The following TSHZ3 variants were observed in gnomAD, a reference collection of about 807,000 sequenced individuals.
TSHZ3 encodes the protein teashirt zinc finger homeobox 3.
In TSHZ3, 10 loss-of-function variants were observed where a neutral mutation model predicts 64.5. That is an observed-to-expected ratio of 0.16 (90% CI 0.10 to 0.26). TSHZ3 has a LOEUF of 0.26. TSHZ3 is among the 10% of genes least tolerant of loss of function. TSHZ3 has a pLI of 1.00. For synonymous variants in TSHZ3, 608 were observed against 593.1 expected, an observed-to-expected ratio of 1.03 and a Z score of -0.36; for missense variants, 1,242 against 1,421.7, an observed-to-expected ratio of 0.87 and a Z score of 2.03.
At chr19:31,234,394 G>C (rs1975579933) in intron 3 of TSHZ3, among the ~76,000 whole-genome samples, 1 of 151,850 alleles carries the variant, frequency 6.6e-6, no homozygotes, top group Admixed American at 6.6e-5. Flanking sequence ...TATGGCATTG[G>C]CTAGGACATC....
At chr19:31,286,991 A>G (rs1352844546) in intron 1 of TSHZ3, among the ~76,000 whole-genome samples, 2 of 152,250 alleles carry the variant, frequency 1.3e-5, no homozygotes, top group Non-Finnish European at 2.9e-5. Context: ...TGTGTCATAT[A>G]AATATAAAAC....
chr19:31,163,995 G>A (rs1974406875), intron 5 of TSHZ3, among the ~76,000 whole-genome samples: 1 of 152,220 alleles, frequency 6.6e-6, no homozygotes, highest in Non-Finnish European at 1.5e-5. Context: ...CTGAGGTGCA[G>A]AGAAGCTAAG....
At chr19:31,283,853 C>T (rs1976408039) in intron 1 of TSHZ3, among the ~76,000 whole-genome samples, 1 of 152,124 alleles carries the variant, frequency 6.6e-6, no homozygotes, top group Admixed American at 6.5e-5. Flanking sequence ...CAGCGAATGC[C>T]CTGGATCAGG....
intron 4 of TSHZ3, among the ~76,000 whole-genome samples, chr19:31,225,095 C>A (rs1392910753): frequency 6.6e-6 from 1 of 152,190 alleles, no homozygotes; most frequent in Non-Finnish European, 1.5e-5. Context: ...CTTCAGCAAC[C>A]TCCTAAATCA....
At chr19:31,152,362 G>A (rs985775829) in intron 6 of TSHZ3, among the ~76,000 whole-genome samples, 9 of 152,022 alleles carry the variant, frequency 5.9e-5, no homozygotes, top group Middle Eastern at 3.4e-3. Flanking sequence ...CAGAAAGCTC[G>A]TTTTTCCTTT....
chr19:31,322,022 TC>T (rs1302095384), intron 1 of TSHZ3, among the ~76,000 whole-genome samples: 1 of 152,160 alleles, frequency 6.6e-6, no homozygotes, highest in Admixed American at 6.5e-5. Context: ...GATGTTCCCC[TC>T]CCTGTGTCCA....
At chr19:31,198,611 C>T (rs1007082471) in intron 5 of TSHZ3, among the ~76,000 whole-genome samples, 2 of 152,214 alleles carry the variant, frequency 1.3e-5, no homozygotes, top group Admixed American at 6.5e-5. Context: ...ACACAAAAGT[C>T]TATTGCTTTT....
At chr19:31,222,115 C>T (rs1975401261) in intron 4 of TSHZ3, among the ~76,000 whole-genome samples, 2 of 152,284 alleles carry the variant, frequency 1.3e-5, no homozygotes, top group South Asian at 2.1e-4. Context: ...CTTTGAGCCT[C>T]ATAGAGATTT....
intron 1 of TSHZ3, among the ~76,000 whole-genome samples, chr19:31,308,186 G>A (rs950592512): frequency 3.3e-5 from 5 of 152,160 alleles, no homozygotes; most frequent in Non-Finnish European, 5.9e-5. Context: ...TGGCAGTGAC[G>A]TGCAGGTGTG....
chr19:31,235,699 C>CTTTT (rs34677399), intron 3 of TSHZ3, among the ~76,000 whole-genome samples: 10 of 59,558 alleles, frequency 1.7e-4, no homozygotes, highest in East Asian at 9.5e-4. Flanking sequence ...TCCTCTTCTT[C>CTTTT]TTTTTTTTTT....
At chr19:31,245,900 C>A (rs2145187653) in intron 1 of TSHZ3, among the ~76,000 whole-genome samples, 1 of 152,284 alleles carries the variant, frequency 6.6e-6, no homozygotes, top group South Asian at 2.1e-4. Context: ...TATAAACGTC[C>A]TAAGTCCCAA....
rs1350546715 is a variant in TSHZ3 at position 31,277,278 on chromosome 19, G to A, written c.2515C>T (p.Leu839=). Residue 839 remains leucine (L), a synonymous_variant, in exon 2 of 2, where the codon CTA becomes TTA. Coordinates refer to ENST00000240587, the MANE Select transcript of TSHZ3 (RefSeq NM_020856.4). The surrounding 1 kb of genome is among the most constrained non-coding windows in gnomAD (Gnocchi z 4.5). ...AVVSFMSNSP[L]RENALSDISD... The stretch of plus-strand genomic sequence containing the variant: ...ATATCTGACAAGGCATTCTCGCGTA[G>A]CGGCGAGTTTGACATGAATGATACG... The A allele has an allele frequency of 6.2e-7, 1 of 1,613,950 alleles. No individual in the cohort carries two copies. The highest frequency in any genetic ancestry group is 1.3e-5 in the African/African-American group (1 of 74,936).
At chr19:31,302,817 G>A (rs1288724277) in intron 1 of TSHZ3, among the ~76,000 whole-genome samples, 1 of 152,184 alleles carries the variant, frequency 6.6e-6, no homozygotes. Context: ...GTTCAAAACA[G>A]GAGCATCTGG....
intron 1 of TSHZ3, among the ~76,000 whole-genome samples, chr19:31,295,788 A>G (rs972599040): frequency 2.0e-5 from 3 of 151,434 alleles, no homozygotes; most frequent in Non-Finnish European, 4.4e-5. Context: ...TAATAATTTC[A>G]ACTTTGGGGT....
chr19:31,199,204 GACC>G (rs1224937420), intron 5 of TSHZ3, among the ~76,000 whole-genome samples: 1 of 152,032 alleles, frequency 6.6e-6, no homozygotes, highest in African/African-American at 2.4e-5. Context: ...AAAAGATGGA[GACC>G]ATCCTGGCCA....
chr19:31,258,125 C>T (rs527532130), intron 1 of TSHZ3, among the ~76,000 whole-genome samples: 4 of 152,244 alleles, frequency 2.6e-5, no homozygotes, highest in East Asian at 3.9e-4. Context: ...CTACCAGAGG[C>T]GAGGAGCTGG....
chr19:31,165,969 A>C (rs1481699673), intron 5 of TSHZ3, among the ~76,000 whole-genome samples: 1 of 152,248 alleles, frequency 6.6e-6, no homozygotes, highest in East Asian at 1.9e-4. Context: ...AGAGAAATGG[A>C]TAACTCACTA....
chr19:31,266,617 G>A (rs143335486), intron 1 of TSHZ3, among the ~76,000 whole-genome samples: 1,633 of 152,208 alleles, frequency 0.011, 10 homozygotes, highest in Middle Eastern at 0.031. Flanking sequence ...TGACCTTCAG[G>A]CAGAGCCAGG....
intron 1 of TSHZ3, among the ~76,000 whole-genome samples, chr19:31,282,400 C>G (rs145647173): frequency 1.3e-5 from 2 of 152,272 alleles, no homozygotes; most frequent in South Asian, 2.1e-4. Context: ...GCAGCCACTA[C>G]GAGAGGACAC....
Sources: allele counts gnomAD v4.1 joint callset (sites outside exome capture counted in the v4.1 genomes callset), GRCh38; gene constraint gnomAD v4.1.1; non-coding constraint Gnocchi (gnomAD v3.1); transcripts MANE v1.5; gene names NCBI Gene and HGNC (gene_info 2026-07-23, HGNC 2026-07-21).